HPN: variants seen among roughly 807,000 people sequenced by gnomAD.
HPN encodes the protein serine protease hepsin.
HPN carries 13 observed loss-of-function variants against 55.9 expected under a neutral mutation model. That is an observed-to-expected ratio of 0.23 (90% CI 0.15 to 0.37). The LOEUF is 0.37. HPN is among the 10% of genes least tolerant of loss of function. The probability of loss-of-function intolerance (pLI) is 1.00; values close to 1 mark genes in which losing one functional copy is unlikely to be tolerated. For synonymous variants in HPN, 225 were observed against 240.3 expected, an observed-to-expected ratio of 0.94 and a Z score of 0.59; for missense variants, 451 against 575.8, an observed-to-expected ratio of 0.78 and a Z score of 2.22.
Position 35,065,665 on chromosome 19 carries a change from G to A in HPN, c.1034G>A (p.Gly345Asp). 1 of 1,614,096 alleles carries A rather than the reference G, an allele frequency of 6.2e-7. No individual in the cohort carries two copies. Among genetic ancestry groups the A allele is most frequent in the Non-Finnish European group, 8.5e-7 (1 of 1,180,020 alleles). The change falls in exon 11 of 13, where the codon GGC becomes GAC. Residue 345 changes from glycine (G) to aspartate (D), a missense_variant. Gly to Asp is a moderately conservative substitution (Grantham distance 94). This residue lies in a region of HPN where 73 missense variants were observed against 130.3 expected (regional missense o/e 0.56). Coordinates refer to ENST00000672452, the MANE Select transcript of HPN (RefSeq NM_001384133.1). Reference sequence around the variant, plus strand: ...TTCTGTGCTGGCTACCCCGAGGGTGGCATTGATGCCTGCCAGGTGAGGGAC... The same window carrying A: ...TTCTGTGCTGGCTACCCCGAGGGTGACATTGATGCCTGCCAGGTGAGGGAC... ...KMFCAGYPEG[G>D]IDACQGDSGG...
At position 35,042,473 on chromosome 19, in the gene HPN, GTCA is replaced by G; in HGVS notation, c.-33_-31del. ...CACAGGTCCCACCCTGGCCCAGGAGGTCAGCCAGGGAATCATTAACAAGAGGCA... is the reference window on the plus strand; with the variant it reads ...CACAGGTCCCACCCTGGCCCAGGAGGGCCAGGGAATCATTAACAAGAGGCA... On this transcript the variant is annotated 5_prime_UTR_variant, in exon 2 of 13. Transcript: ENST00000672452. 6.2e-7 allele frequency: 1 copy of G among 1,600,328 alleles called. No homozygotes were observed. Among genetic ancestry groups the G allele is most frequent in the Non-Finnish European group, 8.5e-7 (1 of 1,173,878 alleles).
intron 4 of HPN, among the ~76,000 whole-genome samples, chr19:35,051,347 G>A (rs2064403424): frequency 1.3e-5 from 2 of 152,120 alleles, no homozygotes; most frequent in Non-Finnish European, 2.9e-5. Context: ...GACCTCAGGT[G>A]ATCCACCCGT....
chr19:35,048,080 G>GAAAGAAAGAAAGAAAGAA (rs1555722997), intron 2 of HPN, among the ~76,000 whole-genome samples: 50 of 36,492 alleles, frequency 1.4e-3, no homozygotes, highest in African/African-American at 3.4e-3. Context: ...AAGAAAGAAA[G>GAAAGAAAGAAAGAAAGAA]AAAAGGAAGG....
Position 35,048,071 on chromosome 19 carries a change from AG to A in HPN, c.17-1218del, listed in dbSNP as rs1568356381. Among the ~76,000 whole-genome samples, 23 of 52,958 alleles carry A rather than the reference AG, an allele frequency of 4.3e-4. 1 individual carries two copies. The highest frequency in any genetic ancestry group is 1.0e-3 in the Admixed American group (4 of 3,930). 34.7% of individuals were successfully genotyped at this position (52,958 alleles called of 152,430 possible). The stretch of plus-strand genomic sequence containing the variant: ...AAGAAAGAAAGAAAGAAAGAAAGAA[AG>A]AAAGAAAGAAAAGGAAGGAAGGAAG... On this transcript the variant is annotated intron_variant, in intron 2 of 12. Coordinates refer to ENST00000672452, the MANE Select transcript of HPN (RefSeq NM_001384133.1).
chr19:35,041,936 C>T lies in HPN; in HGVS notation c.-55+64C>T, dbSNP rs191664210. The T allele has an allele frequency of 4.8e-5, 60 of 1,257,754 alleles. 1 individual carries two copies. In the East Asian group the frequency reaches 3.0e-3, roughly 63 times the overall value. 77.9% of individuals were successfully genotyped at this position (1,257,754 alleles called of 1,614,324 possible). On this transcript the variant is annotated intron_variant, in intron 1 of 12. Transcript: ENST00000672452. ...GAGGACAGGGGTTCCCTCATCCCCCCACCCAGCCTAATGCCCACCTCCTAA... is the reference window on the plus strand; with the variant it reads ...GAGGACAGGGGTTCCCTCATCCCCCTACCCAGCCTAATGCCCACCTCCTAA...
chr19:35,065,832 T>G, intron 11 of HPN, 36 bp from the exon 12 acceptor site: 2 of 1,611,948 alleles, frequency 1.2e-6, no homozygotes, highest in Non-Finnish European at 1.7e-6. Flanking sequence ...GTCCAACCAC[T>G]TTGGCCTTCA....
chr19:35,050,717 TAAAGG>T (rs1045658656), intron 4 of HPN, among the ~76,000 whole-genome samples: 30 of 152,198 alleles, frequency 2.0e-4, no homozygotes, highest in African/African-American at 6.7e-4. Flanking sequence ...TCTAATTCCA[TAAAGG>T]ATTCAGTTCA....
chr19:35,042,470 G>A lies in HPN; in HGVS notation c.-37G>A, dbSNP rs1315885557. On this transcript the variant is annotated 5_prime_UTR_variant, in exon 2 of 13. Transcript: ENST00000672452. Reference sequence around the variant, plus strand: ...CCTCACAGGTCCCACCCTGGCCCAGGAGGTCAGCCAGGGAATCATTAACAA... The same window carrying A: ...CCTCACAGGTCCCACCCTGGCCCAGAAGGTCAGCCAGGGAATCATTAACAA... 1 of 1,598,592 alleles carries A rather than the reference G, an allele frequency of 6.3e-7. No homozygotes were observed. Among genetic ancestry groups the A allele is most frequent in the South Asian group, 1.1e-5 (1 of 88,104 alleles).
chr19:35,061,694 A>G (rs961462784), intron 9 of HPN, among the ~76,000 whole-genome samples: 12 of 152,324 alleles, frequency 7.9e-5, no homozygotes, highest in African/African-American at 2.6e-4. Flanking sequence ...TCATGCTACC[A>G]CAAGGATGAA....
At chr19:35,062,986 A>G (rs544136450) in intron 9 of HPN, among the ~76,000 whole-genome samples, 36 of 152,388 alleles carry the variant, frequency 2.4e-4, no homozygotes, top group African/African-American at 7.9e-4. Context: ...GTTCATGATC[A>G]TGAAGTAGTA....
chr19:35,060,679 G>A lies in HPN; in HGVS notation c.673G>A (p.Ala225Thr). ...WRVFAGAVAQASPHGLQLGVQ... is the reference protein window; with the variant it reads ...WRVFAGAVAQTSPHGLQLGVQ... Reference sequence around the variant, plus strand: ...AGTGTTTGCCGGTGCCGTGGCCCAGGCCTCTCCCCACGGTCTGCAGCTGGG... The same window carrying A: ...AGTGTTTGCCGGTGCCGTGGCCCAGACCTCTCCCCACGGTCTGCAGCTGGG... The change falls in exon 9 of 13, where the codon GCC (alanine) becomes ACC (threonine). Residue 225 changes from alanine (A) to threonine (T), a missense_variant. Physicochemically the swap from Ala to Thr is moderately conservative, Grantham distance 58. Around this residue, in one of 2 missense-constraint regions of HPN, gnomAD observed 378 missense variants for 445.5 expected, o/e 0.85. Transcript: ENST00000672452. 1 of 1,614,164 alleles carries A rather than the reference G, an allele frequency of 6.2e-7. No homozygotes were observed. The highest frequency in any genetic ancestry group is 1.3e-5 in the African/African-American group (1 of 75,062).
chr19:35,061,019 A>G (rs1237802274), intron 9 of HPN, among the ~76,000 whole-genome samples: 3 of 152,214 alleles, frequency 2.0e-5, no homozygotes, highest in Non-Finnish European at 4.4e-5. Flanking sequence ...TTCCCCAAGA[A>G]GTATACATAA....
chr19:35,059,773 A>G lies in HPN; in HGVS notation c.261A>G (p.Gly87=), dbSNP rs2064504344. 3 of 1,586,222 alleles carry G rather than the reference A, an allele frequency of 1.9e-6. No homozygotes were observed. The highest frequency in any genetic ancestry group is 2.6e-6 in the Non-Finnish European group (3 of 1,166,382). ...CGCGCTCCAACGCCAGGGTAGCCGGACTCAGCTGCGAGGAGATGGGCTTCC... is the reference window on the plus strand; with the variant it reads ...CGCGCTCCAACGCCAGGGTAGCCGGGCTCAGCTGCGAGGAGATGGGCTTCC... The part of the protein sequence containing the change: ...CSSRSNARVA[G]LSCEEMGFLR... Residue 87 remains glycine (G), a synonymous_variant, in exon 5 of 13, where the codon GGA becomes GGG. Transcript: ENST00000672452.
rs191318210 is a variant in HPN at position 35,066,007 on chromosome 19, G to A, written c.1190G>A (p.Arg397Gln). 5.0e-6 allele frequency: 8 copies of A among 1,611,894 alleles called. No homozygotes were observed. Among genetic ancestry groups the A allele is most frequent in the East Asian group, 2.2e-5 (1 of 44,882 alleles). The change falls in exon 12 of 13, where the codon CGG becomes CAG. Residue 397 changes from arginine to glutamine, a missense_variant. Around this residue, in one of 2 missense-constraint regions of HPN, gnomAD observed 73 missense variants for 130.3 expected, o/e 0.56. Coordinates refer to ENST00000672452, the MANE Select transcript of HPN (RefSeq NM_001384133.1). The part of the protein sequence containing the change: ...PGVYTKVSDF[R>Q]EWIFQAIKTH... ...GTCTACACCAAAGTCAGTGACTTCC[G>A]GGAGTGGATCTTCCAGGCCATAAAG...
intron 4 of HPN, among the ~76,000 whole-genome samples, chr19:35,054,146 A>G (rs920414199): frequency 3.3e-5 from 5 of 152,036 alleles, no homozygotes; most frequent in Non-Finnish European, 7.4e-5. Context: ...GGCTGGGCAC[A>G]GTGGCTCACG....
chr19:35,065,833 T>G, intron 11 of HPN, 35 bp from the exon 12 acceptor site: 12 of 1,611,982 alleles, frequency 7.4e-6, no homozygotes, highest in Non-Finnish European at 1.0e-5. Flanking sequence ...TCCAACCACT[T>G]TGGCCTTCAG....
At chr19:35,041,589 G>T (rs902198375), upstream of HPN, 3 of 1,140,396 alleles carry the variant, frequency 2.6e-6, no homozygotes, top group South Asian at 1.7e-5. Context: ...GGCAAGCCCC[G>T]TAGCTGGGCC....
intron 2 of HPN, among the ~76,000 whole-genome samples, chr19:35,048,082 A>AGAAAGAAAGAAAGAAAAGGAAGG (rs1555723026): frequency 1.0e-5 from 1 of 96,984 alleles, no homozygotes; most frequent in African/African-American, 4.0e-5. Flanking sequence ...GAAAGAAAGA[A>AGAAAGAAAGAAAGAAAAGGAAGG]AAGGAAGGAA....
At chr19:35,045,143 T>C (rs533170242) in intron 2 of HPN, among the ~76,000 whole-genome samples, 27 of 152,126 alleles carry the variant, frequency 1.8e-4, no homozygotes, top group Non-Finnish European at 3.5e-4. Flanking sequence ...GCAGGAGCCC[T>C]GACCTGGGAC....
Sources: allele counts gnomAD v4.1 joint callset (sites outside exome capture counted in the v4.1 genomes callset), GRCh38; gene constraint gnomAD v4.1.1; regional missense constraint gnomAD v4.1.1; transcripts MANE v1.5; gene names NCBI Gene and HGNC (gene_info 2026-07-23, HGNC 2026-07-21).